DGKI: variants seen among roughly 807,000 people sequenced by gnomAD.
DGKI encodes diacylglycerol kinase iota.
A neutral mutation model predicts 147.5 loss-of-function variants in DGKI; 55 were observed. The ratio of observed to expected loss-of-function variants is 0.37; its 90% confidence interval spans 0.30 to 0.47. DGKI has a LOEUF of 0.47. Ranked by LOEUF, DGKI falls within the 20% of genes least tolerant of loss-of-function variation. The pLI is 1.00. For missense variants in DGKI, 1,007 were observed against 1,323.8 expected, an observed-to-expected ratio of 0.76 and a Z score of 3.71; for synonymous variants, 469 against 477.1, an observed-to-expected ratio of 0.98 and a Z score of 0.22.
rs149970846 is a variant in DGKI at position 137,547,197 on chromosome 7, G to A, written c.2147+5172C>T. ...TAGATAAATCTGCTTATTACTTTTT[G>A]TGGGGAAGGTATTTACTGTAGTTCA... On this transcript the variant is annotated intron_variant, in intron 20 of 32. Transcript: ENST00000614521. Among the ~76,000 whole-genome samples, 18 of 152,294 alleles carry A rather than the reference G, an allele frequency of 1.2e-4. No homozygotes were observed. In the East Asian group the frequency reaches 3.1e-3, roughly 26 times the overall value.
intron 12 of DGKI, among the ~76,000 whole-genome samples, chr7:137,590,303 T>C (rs1442531543): frequency 6.6e-6 from 1 of 152,212 alleles, no homozygotes; most frequent in Non-Finnish European, 1.5e-5. Flanking sequence ...AGGTGGGACG[T>C]ACTATGGCTG....
intron 1 of DGKI, among the ~76,000 whole-genome samples, chr7:137,841,166 G>A (rs1798532766): frequency 1.3e-5 from 2 of 152,162 alleles, no homozygotes; most frequent in Admixed American, 1.3e-4. Flanking sequence ...AAAGAACAGG[G>A]GAGCACCAGC....
At position 137,632,456 on chromosome 7, in the gene DGKI, G is replaced by GGA. The variant is rs570582180; in HGVS notation, c.805-8904_805-8903dup. On this transcript the variant is annotated intron_variant, in intron 6 of 32. Coordinates refer to ENST00000614521, the MANE Select transcript of DGKI (RefSeq NM_001321708.2). ...ATTAACTTGGGTAGTTGTATGCTGA[G>GGA]GAGAGAGAGAAATGTCCAAATATTC... Among the ~76,000 whole-genome samples, 120 of 152,242 alleles carry GGA rather than the reference G, an allele frequency of 7.9e-4. No individual in the cohort carries two copies. In the East Asian group the frequency reaches 0.016, roughly 20 times the overall value.
At chr7:137,607,035 C>A (rs1360732353) in intron 10 of DGKI, among the ~76,000 whole-genome samples, 2 of 152,102 alleles carry the variant, frequency 1.3e-5, no homozygotes, top group African/African-American at 4.8e-5. Flanking sequence ...GATGATTGAT[C>A]TCGAGAAATG....
chr7:137,460,959 A>G (rs1157470463), intron 27 of DGKI, among the ~76,000 whole-genome samples: 2 of 152,198 alleles, frequency 1.3e-5, no homozygotes, highest in South Asian at 2.1e-4. Flanking sequence ...GTTTACCACC[A>G]TTATATTTTG....
At chr7:137,662,211 G>C (rs1041352963) in intron 3 of DGKI, among the ~76,000 whole-genome samples, 1 of 151,626 alleles carries the variant, frequency 6.6e-6, no homozygotes, top group African/African-American at 2.4e-5. Context: ...CAAGCCAGGA[G>C]GGTGGCCGGC....
At chr7:137,656,004 C>T (rs959025860) in intron 4 of DGKI, among the ~76,000 whole-genome samples, 8 of 152,224 alleles carry the variant, frequency 5.3e-5, no homozygotes, top group Non-Finnish European at 1.0e-4. Flanking sequence ...GAGCACTGCC[C>T]CAGCAGAGTG....
intron 1 of DGKI, among the ~76,000 whole-genome samples, chr7:137,758,636 A>G (rs1300485716): frequency 6.6e-6 from 1 of 152,162 alleles, no homozygotes; most frequent in Non-Finnish European, 1.5e-5. Flanking sequence ...CAGTGAGCCA[A>G]GGTTGCACCA....
At chr7:137,472,382 T>TATATACATATACATATTATATGTAC (rs1207574847) in intron 23 of DGKI, among the ~76,000 whole-genome samples, 1 of 117,054 alleles carries the variant, frequency 8.5e-6, no homozygotes, top group Non-Finnish European at 1.6e-5. Context: ...ATTATATGTA[T>TATATACATATACATATTATATGTAC]ATATACATAT....
chr7:137,430,557 TAATAA>T (rs1478195080), intron 28 of DGKI, among the ~76,000 whole-genome samples: 1 of 151,604 alleles, frequency 6.6e-6, no homozygotes, highest in Non-Finnish European at 1.5e-5. Context: ...AGTATAATAA[TAATAA>T]AATAAAAAAT....
intron 1 of DGKI, among the ~76,000 whole-genome samples, chr7:137,733,485 C>T (rs1435046926): frequency 6.6e-6 from 1 of 152,044 alleles, no homozygotes; most frequent in Admixed American, 6.6e-5. Flanking sequence ...GTTTATCTAT[C>T]CATCCATCAA....
intron 1 of DGKI, among the ~76,000 whole-genome samples, chr7:137,787,237 AT>A (rs1796701884): frequency 6.6e-6 from 1 of 152,190 alleles, no homozygotes; most frequent in Non-Finnish European, 1.5e-5. Context: ...CAAATGACTA[AT>A]ATCCAGAATC....
chr7:137,546,248 G>A (rs1817862571), intron 20 of DGKI, among the ~76,000 whole-genome samples: 1 of 152,138 alleles, frequency 6.6e-6, no homozygotes, highest in Admixed American at 6.5e-5. Flanking sequence ...TGGACGGCAG[G>A]TCGGGGGGTG....
At chr7:137,638,705 C>CATATATCTAT (rs1821509312) in intron 6 of DGKI, among the ~76,000 whole-genome samples, 1 of 141,690 alleles carries the variant, frequency 7.1e-6, no homozygotes, top group Non-Finnish European at 1.5e-5. Flanking sequence ...CATATGTACG[C>CATATATCTAT]ACATAGATAT....
intron 1 of DGKI, among the ~76,000 whole-genome samples, chr7:137,733,435 A>C (rs1794938896): frequency 6.6e-6 from 1 of 152,104 alleles, no homozygotes; most frequent in South Asian, 2.1e-4. Flanking sequence ...TTACTTTTTA[A>C]GGCCAAATAG....
chr7:137,503,186 C>A (rs766340886), intron 21 of DGKI, among the ~76,000 whole-genome samples: 1 of 152,140 alleles, frequency 6.6e-6, no homozygotes, highest in Admixed American at 6.6e-5. Context: ...TGCTATATAA[C>A]CTTGTCTGTA....
rs145588939 is a variant in DGKI, at chr7:137,812,148, C to A, written c.401+34314G>T. 3.0e-3 allele frequency among the ~76,000 whole-genome samples: 458 copies of A among 152,274 alleles called. 3 individuals are homozygous for A. Among genetic ancestry groups the A allele is most frequent in the African/African-American group, 9.6e-3 (399 of 41,554 alleles). ...TCGGGCTTCCTGTTTTGAGGAGAAC[C>A]AGTCTAGTGTAAAGGAGAAAGTTCA... is the stretch of plus-strand genomic sequence containing the variant. On this transcript the variant is annotated intron_variant, in intron 1 of 32. Coordinates refer to ENST00000614521, the MANE Select transcript of DGKI (RefSeq NM_001321708.2).
At chr7:137,736,668 A>C (rs916840210) in intron 1 of DGKI, among the ~76,000 whole-genome samples, 1 of 152,126 alleles carries the variant, frequency 6.6e-6, no homozygotes, top group African/African-American at 2.4e-5. Flanking sequence ...AAATACTGAA[A>C]GTAACGGGAA....
At chr7:137,519,286 T>C (rs1816882061) in intron 21 of DGKI, among the ~76,000 whole-genome samples, 1 of 152,070 alleles carries the variant, frequency 6.6e-6, no homozygotes, top group Non-Finnish European at 1.5e-5. Context: ...CCCTGCATTA[T>C]GGACGGAAGA....
Sources: gnomAD v4.1 joint callset for allele counts (sites outside exome capture counted in the v4.1 genomes callset) on GRCh38, gnomAD v4.1.1 for gene constraint, MANE v1.5 for transcripts, NCBI Gene and HGNC (gene_info 2026-07-23, HGNC 2026-07-21) for gene names.